The following FAM47E variants were observed in gnomAD, a reference collection of about 807,000 sequenced individuals.
FAM47E encodes the protein protein FAM47E.
In FAM47E, 32 loss-of-function variants were observed where a neutral mutation model predicts 41.6. The ratio of observed to expected loss-of-function variants is 0.77; its 90% CI spans 0.58 to 1.03. The LOEUF (loss-of-function observed/expected upper bound fraction) is 1.03. Ranked by LOEUF, FAM47E falls within the 50% of genes least tolerant of loss-of-function variation. The pLI is 0.00. For missense variants in FAM47E, 424 were observed against 485.4 expected (o/e 0.87, Z 1.19); for synonymous variants, 184 against 188.7 (o/e 0.98, Z 0.20).
upstream of FAM47E, chr4:76,251,709 G>A (rs1055878224): frequency 6.9e-6 from 10 of 1,456,652 alleles, no homozygotes; most frequent in South Asian, 4.0e-5. Context: ...CACACACACC[G>A]CCCAAGCCCG....
At chr4:76,242,100 G>A (rs1434563192) in intron 2 of FAM47E, among the ~76,000 whole-genome samples, 1 of 152,182 alleles carries the variant, frequency 6.6e-6, no homozygotes, top group Non-Finnish European at 1.5e-5. Flanking sequence ...GCTTATAATA[G>A]GGTAAGGAAT....
At chr4:76,261,063 G>A (rs1734392878) in intron 2 of FAM47E, among the ~76,000 whole-genome samples, 2 of 150,442 alleles carry the variant, frequency 1.3e-5, no homozygotes, top group South Asian at 2.1e-4. Context: ...AACATATGAA[G>A]AAATACTCAA....
chr4:76,256,427 G>T lies in FAM47E; in HGVS notation c.324G>T (p.Gln108His). The T allele has an allele frequency of 3.9e-6, 6 of 1,552,372 alleles. No individual in the cohort carries two copies. Among genetic ancestry groups the T allele is most frequent in the Non-Finnish European group, 5.2e-6 (6 of 1,147,470 alleles). Residue 108 changes from glutamine to histidine, a missense_variant, in exon 2 of 8, where the codon CAG becomes CAT. Physicochemically the swap from Gln to His is conservative, Grantham distance 24. Transcript: ENST00000424749. ...ADVLSKLSPA[Q>H]QARKAFLEDV... ...TGCTTTCCAAGCTCTCGCCAGCCCA[G>T]CAGGCTCGGAAGGCATTCCTGGAGG...
At chr4:76,280,556 GCTA>G (rs535231946) in intron 7 of FAM47E, 4 of 442,522 alleles carry the variant, frequency 9.0e-6, no homozygotes, top group Non-Finnish European at 1.6e-5. Context: ...TTTGGTTTCT[GCTA>G]CTATCAGAGA....
intron 2 of FAM47E, among the ~76,000 whole-genome samples, chr4:76,245,085 C>T (rs1733796439): frequency 6.6e-6 from 1 of 152,080 alleles, no homozygotes; most frequent in Non-Finnish European, 1.5e-5. Context: ...GCACATTGCC[C>T]CCAACTCACC....
At chr4:76,270,672 G>C (rs566302786) in intron 4 of FAM47E, among the ~76,000 whole-genome samples, 2 of 152,278 alleles carry the variant, frequency 1.3e-5, no homozygotes, top group East Asian at 3.9e-4. Flanking sequence ...CTTAGAATAA[G>C]AGTTTAGCTT....
intron 2 of FAM47E, among the ~76,000 whole-genome samples, chr4:76,243,376 T>C (rs1193363428): frequency 6.6e-6 from 1 of 151,552 alleles, no homozygotes; most frequent in African/African-American, 2.4e-5. Flanking sequence ...TCCTGCTTTA[T>C]CTAGTACCTG....
At chr4:76,219,358 G>A (rs919772419) in intron 2 of FAM47E, among the ~76,000 whole-genome samples, 1 of 152,146 alleles carries the variant, frequency 6.6e-6, no homozygotes, top group African/African-American at 2.4e-5. Context: ...ATTCTGACGT[G>A]AAATGTATTC....
intron 5 of FAM47E, among the ~76,000 whole-genome samples, chr4:76,272,426 T>C (rs542042461): frequency 6.6e-5 from 10 of 152,298 alleles, no homozygotes; most frequent in Admixed American, 3.3e-4. Flanking sequence ...TCCCTGAAAA[T>C]GAAAAACAAT....
At chr4:76,272,045 G>C (rs970653350) in intron 5 of FAM47E, among the ~76,000 whole-genome samples, 2 of 152,192 alleles carry the variant, frequency 1.3e-5, no homozygotes, top group East Asian at 3.8e-4. Context: ...AATACTAAAA[G>C]TCAGTAGAAA....
At chr4:76,226,253 G>A (rs1203758796) in intron 2 of FAM47E, among the ~76,000 whole-genome samples, 4 of 152,176 alleles carry the variant, frequency 2.6e-5, no homozygotes, top group Non-Finnish European at 5.9e-5. Context: ...TGGTGAGGAC[G>A]TGTGGACATG....
intron 6 of FAM47E, chr4:76,278,720 A>C (rs908184807): frequency 6.4e-6 from 1 of 156,452 alleles, no homozygotes; most frequent in Admixed American, 6.5e-5. Flanking sequence ...AAGGTTAAGC[A>C]CTGTTTGATA....
chr4:76,276,902 C>T (rs149445019), intron 5 of FAM47E, among the ~76,000 whole-genome samples: 63 of 152,316 alleles, frequency 4.1e-4, no homozygotes, highest in African/African-American at 1.5e-3. Context: ...CTGTCCCATC[C>T]TCTCTTTCTT....
At chr4:76,237,777 AG>A (rs2109989544) in intron 2 of FAM47E, among the ~76,000 whole-genome samples, 1 of 152,232 alleles carries the variant, frequency 6.6e-6, no homozygotes, top group East Asian at 1.9e-4. Flanking sequence ...GGAGCAAGAG[AG>A]AGGAAGGAGA....
upstream of FAM47E, among the ~76,000 whole-genome samples, chr4:76,247,030 G>T (rs1430990680): frequency 1.3e-5 from 2 of 151,832 alleles, no homozygotes; most frequent in African/African-American, 4.8e-5. Context: ...ACAATATTAT[G>T]CAATCATTAT....
intron 6 of FAM47E, chr4:76,279,929 C>T: frequency 5.4e-6 from 1 of 184,758 alleles, no homozygotes; most frequent in Non-Finnish European, 1.1e-5. Flanking sequence ...TTGTCCTGTC[C>T]TTTGAAGTTA....
chr4:76,252,239 G>T (rs1041030366), intron 1 of FAM47E, among the ~76,000 whole-genome samples: 1 of 152,128 alleles, frequency 6.6e-6, no homozygotes, highest in Non-Finnish European at 1.5e-5. Flanking sequence ...GGAGCCTTTG[G>T]TATCCAGATG....
chr4:76,246,301 C>T (rs778038477), intron 2 of FAM47E, among the ~76,000 whole-genome samples: 12 of 152,078 alleles, frequency 7.9e-5, no homozygotes, highest in Admixed American at 1.3e-4. Flanking sequence ...TCTAGGACTC[C>T]GTTGTTGCAA....
chr4:76,264,653 T>C (rs976894779), intron 3 of FAM47E, among the ~76,000 whole-genome samples: 23 of 152,162 alleles, frequency 1.5e-4, no homozygotes, highest in Admixed American at 6.5e-5. Context: ...TGGAGAGCAG[T>C]GGCACAATCT....
Sources: gnomAD v4.1 joint callset for allele counts (sites outside exome capture counted in the v4.1 genomes callset) on GRCh38, gnomAD v4.1.1 for gene constraint, MANE v1.5 for transcripts, NCBI Gene and HGNC (gene_info 2026-07-23, HGNC 2026-07-21) for gene names.